POU6F2: variants seen among roughly 807,000 people sequenced by gnomAD.
The protein encoded by POU6F2 is POU domain, class 6, transcription factor 2.
A neutral mutation model predicts 71.3 loss-of-function variants in POU6F2; 31 were observed. That is an observed-to-expected ratio of 0.43 (90% CI 0.33 to 0.59). POU6F2 has a LOEUF of 0.59. Among genes scored for constraint, POU6F2 ranks in the 20% least tolerant of loss-of-function variants. The pLI is 0.04. For synonymous variants in POU6F2, 347 were observed against 355.7 expected (o/e 0.98, Z 0.27); for missense variants, 783 against 856.8 (o/e 0.91, Z 1.07).
At chr7:39,318,124 C>T (rs1785309900) in intron 4 of POU6F2, among the ~76,000 whole-genome samples, 1 of 152,162 alleles carries the variant, frequency 6.6e-6, no homozygotes, top group African/African-American at 2.4e-5. Flanking sequence ...CATGCTCAAA[C>T]ACGTTGATAA....
intron 5 of POU6F2, among the ~76,000 whole-genome samples, chr7:39,387,417 AC>A (rs1392079716): frequency 2.6e-5 from 4 of 152,190 alleles, no homozygotes; most frequent in African/African-American, 9.7e-5. Context: ...CAATGGCAGA[AC>A]CCAGGAAAAC....
intron 6 of POU6F2, among the ~76,000 whole-genome samples, chr7:39,409,330 G>A (rs1787502350): frequency 6.6e-6 from 1 of 152,168 alleles, no homozygotes; most frequent in African/African-American, 2.4e-5. Context: ...GTTTGGTGAG[G>A]TTAGGTCTGT....
At chr7:39,308,322 G>C (rs1277821945) in intron 4 of POU6F2, among the ~76,000 whole-genome samples, 1 of 152,204 alleles carries the variant, frequency 6.6e-6, no homozygotes, top group African/African-American at 2.4e-5. Context: ...TGTGGAAAAA[G>C]ACAACAGAGG....
intron 1 of POU6F2, among the ~76,000 whole-genome samples, chr7:39,001,004 C>A (rs1788889659): frequency 6.6e-6 from 1 of 152,098 alleles, no homozygotes; most frequent in Non-Finnish European, 1.5e-5. Context: ...CATGGCATTA[C>A]AGTATATTAT....
At chr7:39,130,149 T>G (rs1269693087) in intron 2 of POU6F2, among the ~76,000 whole-genome samples, 3 of 11,156 alleles carry the variant, frequency 2.7e-4, no homozygotes, top group Non-Finnish European at 3.3e-4. Flanking sequence ...AAGGGGTAGG[T>G]GTGTGTGTGT....
intron 5 of POU6F2, among the ~76,000 whole-genome samples, chr7:39,346,278 T>G (rs531079422): frequency 2.0e-5 from 3 of 152,316 alleles, no homozygotes; most frequent in African/African-American, 7.2e-5. Flanking sequence ...TTACCATTCC[T>G]GGGTACTGCT....
chr7:39,362,307 G>T (rs1786405839), intron 5 of POU6F2, among the ~76,000 whole-genome samples: 1 of 151,790 alleles, frequency 6.6e-6, no homozygotes, highest in Non-Finnish European at 1.5e-5. Context: ...AGTGGGGAGG[G>T]GAAATGCAAT....
intron 7 of POU6F2, among the ~76,000 whole-genome samples, chr7:39,443,268 C>T (rs893751390): frequency 6.6e-6 from 1 of 152,156 alleles, no homozygotes; most frequent in Non-Finnish European, 1.5e-5. Flanking sequence ...CAAAGTACAC[C>T]CCAATCAACA....
At chr7:39,332,482 A>T (rs1019515475) in intron 4 of POU6F2, among the ~76,000 whole-genome samples, 2 of 152,222 alleles carry the variant, frequency 1.3e-5, no homozygotes, top group Non-Finnish European at 2.9e-5. Flanking sequence ...GGATAAAATT[A>T]TGTAAAGAGA....
intron 4 of POU6F2, among the ~76,000 whole-genome samples, chr7:39,312,563 C>T (rs112795860): frequency 9.8e-5 from 15 of 152,320 alleles, no homozygotes; most frequent in African/African-American, 3.4e-4. Flanking sequence ...TGCCTGAAAC[C>T]GCAAGTAGCA....
intron 5 of POU6F2, among the ~76,000 whole-genome samples, chr7:39,351,422 C>A (rs1401054237): frequency 2.0e-5 from 3 of 152,158 alleles, no homozygotes; most frequent in Admixed American, 6.5e-5. Context: ...AGCCCGATAT[C>A]TGCAGAAAAA....
chr7:39,365,292 G>A (rs1010273876), intron 5 of POU6F2, among the ~76,000 whole-genome samples: 14 of 152,102 alleles, frequency 9.2e-5, no homozygotes, highest in African/African-American at 2.4e-4. Flanking sequence ...AGTGGGGAAG[G>A]GTCCCCTATT....
intron 8 of POU6F2, among the ~76,000 whole-genome samples, chr7:39,456,993 C>T (rs1158663175): frequency 1.3e-5 from 2 of 152,290 alleles, no homozygotes; most frequent in African/African-American, 4.8e-5. Context: ...GTTTGATAAT[C>T]CACACAACAG....
intron 6 of POU6F2, among the ~76,000 whole-genome samples, chr7:39,411,107 G>A (rs1018704136): frequency 3.3e-5 from 5 of 152,228 alleles, no homozygotes; most frequent in Admixed American, 3.3e-4. Flanking sequence ...CCATGCTGAA[G>A]TCTGTGTATG....
chr7:39,247,636 G>A (rs1188090463), intron 4 of POU6F2, among the ~76,000 whole-genome samples: 3 of 152,150 alleles, frequency 2.0e-5, no homozygotes, highest in African/African-American at 4.8e-5. Context: ...CTGCTGTAAC[G>A]TAGTCACTGA....
intron 1 of POU6F2, among the ~76,000 whole-genome samples, chr7:39,056,666 G>C (rs1160446352): frequency 1.9e-4 from 24 of 129,318 alleles, no homozygotes; most frequent in South Asian, 2.9e-4. Flanking sequence ...CTCTCTCTGT[G>C]TGTGTGTGTG....
chr7:39,360,041 T>C (rs921379978), intron 5 of POU6F2, among the ~76,000 whole-genome samples: 3 of 152,252 alleles, frequency 2.0e-5, no homozygotes, highest in African/African-American at 7.2e-5. Flanking sequence ...ACAGCATTGA[T>C]AATAAATATT....
chr7:39,002,336 T>TTTGTTGTTGTTG (rs527720585), intron 1 of POU6F2, among the ~76,000 whole-genome samples: 115 of 144,622 alleles, frequency 8.0e-4, no homozygotes, highest in Admixed American at 1.2e-3. Flanking sequence ...ATTTACAAGT[T>TTTGTTGTTGTTG]TTGTTGTTGT....
intron 7 of POU6F2, among the ~76,000 whole-genome samples, chr7:39,449,767 T>C (rs929223823): frequency 2.0e-5 from 3 of 152,170 alleles, no homozygotes; most frequent in Admixed American, 2.0e-4. Context: ...GGGAATACTA[T>C]TCAGCAATTA....
Sources: gnomAD v4.1 joint callset for allele counts (sites outside exome capture counted in the v4.1 genomes callset) on GRCh38, gnomAD v4.1.1 for gene constraint, MANE v1.5 for transcripts, NCBI Gene and HGNC (gene_info 2026-07-23, HGNC 2026-07-21) for gene names.